JHY: variants seen among roughly 807,000 people sequenced by gnomAD.
JHY encodes jhy protein homolog.
JHY carries 69 observed loss-of-function variants against 78.0 expected under a neutral mutation model. The ratio of observed to expected loss-of-function variants is 0.88; its 90% CI spans 0.73 to 1.08. JHY has a LOEUF of 1.08. JHY is among the 50% of genes least tolerant of loss of function. The pLI, the probability that JHY is intolerant of heterozygous loss-of-function variation, is 0.00. For missense variants in JHY, 944 were observed against 927.8 expected (o/e 1.02, Z -0.23); for synonymous variants, 368 against 342.6 (o/e 1.07, Z -0.82).
chr11:122,917,962 G>A lies in JHY; in HGVS notation c.865-6935G>A, dbSNP rs570061575. ...GTCACCCAGGTTGGAATGCAGTGGC[G>A]CCATCTCAGCTCACTGCAACCTCTG... On this transcript the variant is annotated intron_variant, in intron 3 of 8. Coordinates refer to ENST00000227349, the MANE Select transcript of JHY (RefSeq NM_024806.4). The surrounding 1 kb of genome is among the most constrained non-coding windows in gnomAD (Gnocchi z 4.1). Among the ~76,000 whole-genome samples, 121 of 147,046 alleles carry A rather than the reference G, an allele frequency of 8.2e-4. 9 individuals are homozygous for A. The highest frequency in any genetic ancestry group is 3.1e-3 in the African/African-American group (113 of 36,684).
At chr11:122,936,088 C>T (rs1485174831) in intron 5 of JHY, among the ~76,000 whole-genome samples, 4 of 152,128 alleles carry the variant, frequency 2.6e-5, no homozygotes, top group African/African-American at 4.8e-5. Flanking sequence ...AAGTTCCCCA[C>T]GATGTAGATG....
At chr11:122,930,642 T>C (rs1354648009) in intron 4 of JHY, among the ~76,000 whole-genome samples, 1 of 152,188 alleles carries the variant, frequency 6.6e-6, no homozygotes, top group Non-Finnish European at 1.5e-5. Flanking sequence ...GTCATCTCTC[T>C]TCATTTAACC....
intron 6 of JHY, among the ~76,000 whole-genome samples, chr11:122,947,838 A>G (rs1863997889): frequency 6.6e-6 from 1 of 152,188 alleles, no homozygotes; most frequent in Non-Finnish European, 1.5e-5. Context: ...CAGACACAGC[A>G]GTAGCCTTGG....
rs983365591 is a variant in JHY, at chr11:122,883,597, T to C, written c.-90+625T>C. On this transcript the variant is annotated intron_variant, in intron 1 of 8. Coordinates refer to ENST00000227349, the MANE Select transcript of JHY (RefSeq NM_024806.4). The surrounding 1 kb of genome is among the most constrained non-coding windows in gnomAD (Gnocchi z 4.4). ...TCAGCGGCACAACCTTTTTTTTTTT[T>C]CACTGGACGGGAGGAGGGAGCCACA... 9.9e-5 allele frequency among the ~76,000 whole-genome samples: 15 copies of C among 152,120 alleles called. No individual in the cohort carries two copies. Among genetic ancestry groups the C allele is most frequent in the East Asian group, 1.9e-4 (1 of 5,182 alleles).
At chr11:122,885,313 C>G (rs1209663075) in intron 1 of JHY, among the ~76,000 whole-genome samples, 4 of 152,200 alleles carry the variant, frequency 2.6e-5, no homozygotes, top group African/African-American at 9.6e-5. Context: ...TTTCTTCTTA[C>G]TTTACTTTCC....
intron 5 of JHY, among the ~76,000 whole-genome samples, chr11:122,940,753 G>T (rs963218763): frequency 1.3e-5 from 2 of 152,122 alleles, no homozygotes; most frequent in Non-Finnish European, 2.9e-5. Context: ...TGGTGATTTT[G>T]TAATTCTATC....
intron 6 of JHY, 114 bp from the exon 7 acceptor site, chr11:122,956,382 A>G (rs1352062069): frequency 1.3e-6 from 1 of 773,930 alleles, no homozygotes; most frequent in Non-Finnish European, 2.0e-6. Context: ...CAGTGCACAC[A>G]GGCTTTCATT....
chr11:122,957,541 A>C, intron 8 of JHY, 50 bp downstream of exon 8: 1 of 1,443,912 alleles, frequency 6.9e-7, no homozygotes, highest in Admixed American at 2.8e-5. Flanking sequence ...AATTAAAAGG[A>C]AACTTTTATT....
intron 3 of JHY, among the ~76,000 whole-genome samples, chr11:122,913,174 C>T (rs1346013883): frequency 1.3e-5 from 2 of 152,114 alleles, no homozygotes; most frequent in Admixed American, 1.3e-4. Context: ...ACCCCACACT[C>T]GCCATGCTCT....
intron 3 of JHY, among the ~76,000 whole-genome samples, chr11:122,906,456 A>G (rs567781386): frequency 1.1e-4 from 17 of 152,232 alleles, no homozygotes; most frequent in African/African-American, 4.1e-4. Flanking sequence ...TTGGCTCCCA[A>G]AGTGTTGGGA....
rs145952459 is a variant in JHY, at chr11:122,885,902, A to T, written c.53A>T (p.His18Leu). Reference sequence around the variant, plus strand: ...CTCTCTATTCAATCTCCTGTCCTTCATACCAACTTAAATGTCCAGTCCACA... The same window carrying T: ...CTCTCTATTCAATCTCCTGTCCTTCTTACCAACTTAAATGTCCAGTCCACA... ...PKLSIQSPVL[H>L]TNLNVQSTHP... The change falls in exon 2 of 9, where the codon CAT becomes CTT. Residue 18 changes from histidine (H) to leucine (L), a missense_variant. Physicochemically the swap from His to Leu is moderately conservative, Grantham distance 99 (BLOSUM62 -3). Transcript: ENST00000227349. The T allele has an allele frequency of 2.5e-6, 4 of 1,614,072 alleles. No homozygotes were observed. The African/African-American group carries it at 5.3e-5, about 22-fold the overall frequency.
chr11:122,958,000 G>A (rs1864228275), intron 8 of JHY, among the ~76,000 whole-genome samples: 1 of 152,028 alleles, frequency 6.6e-6, no homozygotes, highest in Non-Finnish European at 1.5e-5. Flanking sequence ...AAGCTTTAAG[G>A]CAGTTGTTGT....
At chr11:122,938,334 T>C (rs7109006) in intron 5 of JHY, among the ~76,000 whole-genome samples, 55,892 of 151,846 alleles carry the variant, frequency 0.37, 10,646 homozygotes, top group Middle Eastern at 0.42. Flanking sequence ...TTCTACTGTC[T>C]GGGAGGGTTT....
chr11:122,895,468 ATAC>A (rs777498684), intron 2 of JHY, among the ~76,000 whole-genome samples: 1 of 152,234 alleles, frequency 6.6e-6, no homozygotes, highest in Non-Finnish European at 1.5e-5. Flanking sequence ...TTTTGATTGA[ATAC>A]AATATTGAAT....
intron 6 of JHY, among the ~76,000 whole-genome samples, chr11:122,953,708 A>G (rs1467055756): frequency 2.0e-5 from 3 of 152,154 alleles, no homozygotes; most frequent in Non-Finnish European, 4.4e-5. Flanking sequence ...AGCAGCTATC[A>G]TGGTTTTGCT....
At chr11:122,914,691 C>A (rs936519962) in intron 3 of JHY, among the ~76,000 whole-genome samples, 3 of 152,076 alleles carry the variant, frequency 2.0e-5, no homozygotes, top group Non-Finnish European at 4.4e-5. Context: ...GATCTGCCCG[C>A]CTCAGCCTCC....
chr11:122,960,820 G>A lies in JHY; in HGVS notation c.*1375G>A, dbSNP rs150265829. On this transcript the variant is annotated 3_prime_UTR_variant, in exon 9 of 9. Transcript: ENST00000227349. Reference sequence around the variant, plus strand: ...TCGCAGCGCTCACTGGTTCAGAAGCGCCATTACCTTTTTGATGTGCAGAGG... The same window carrying A: ...TCGCAGCGCTCACTGGTTCAGAAGCACCATTACCTTTTTGATGTGCAGAGG... The A allele has an allele frequency of 3.3e-4, 200 of 605,524 alleles. No homozygotes were observed. Among genetic ancestry groups the A allele is most frequent in the African/African-American group, 2.0e-3 (109 of 54,276 alleles). The allele number at this position is 605,524 out of a possible 1,614,324, so 37.5% of individuals were successfully genotyped here.
At chr11:122,910,889 T>A (rs145659550) in intron 3 of JHY, among the ~76,000 whole-genome samples, 193 of 152,292 alleles carry the variant, frequency 1.3e-3, no homozygotes, top group Admixed American at 2.0e-3. Context: ...TAACATACAT[T>A]GGAAAAATCA....
chr11:122,894,379 C>A (rs1304891986), intron 2 of JHY, among the ~76,000 whole-genome samples: 1 of 151,844 alleles, frequency 6.6e-6, no homozygotes, highest in East Asian at 1.9e-4. Flanking sequence ...AGAAACTCTA[C>A]CTAAAGAAAG....
Sources: gnomAD v4.1 joint callset for allele counts (sites outside exome capture counted in the v4.1 genomes callset) on GRCh38, gnomAD v4.1.1 for gene constraint, Gnocchi (gnomAD v3.1) non-coding constraint, MANE v1.5 for transcripts, NCBI Gene and HGNC (gene_info 2026-07-23, HGNC 2026-07-21) for gene names.